The following JAM3 variants were observed in gnomAD, a reference collection of about 807,000 sequenced individuals.
JAM3 encodes the protein junctional adhesion molecule C.
A neutral mutation model predicts 39.4 loss-of-function variants in JAM3; 31 were observed. The observed-to-expected ratio is 0.79, with a 90% CI of 0.59 to 1.06. The LOEUF is 1.06. Ranked by LOEUF, JAM3 falls within the 50% of genes least tolerant of loss-of-function variation. The probability of loss-of-function intolerance (pLI) is 0.00; values close to 1 mark genes in which losing one functional copy is unlikely to be tolerated. For synonymous variants in JAM3, 182 were observed against 148.7 expected (o/e 1.22, Z -1.63); for missense variants, 455 against 391.4 (o/e 1.16, Z -1.37).
At position 134,149,554 on chromosome 11, in the gene JAM3, G is replaced by C; in HGVS notation, c.*373G>C. Reference sequence around the variant, plus strand: ...CATGTTCACCACTGGTCGTTCAGCAGCCACGACAGCACCATGTGAGATGGC... The same window carrying C: ...CATGTTCACCACTGGTCGTTCAGCACCCACGACAGCACCATGTGAGATGGC... On this transcript the variant is annotated 3_prime_UTR_variant, in exon 9 of 9. Transcript: ENST00000299106. 1 of 486,146 alleles carries C rather than the reference G, an allele frequency of 2.1e-6. No individual in the cohort carries two copies. The allele number at this position is 486,146 out of a possible 1,614,324, so 30.1% of individuals were successfully genotyped here.
intron 1 of JAM3, among the ~76,000 whole-genome samples, chr11:134,129,240 C>T (rs975717932): frequency 2.6e-5 from 4 of 151,952 alleles, no homozygotes; most frequent in African/African-American, 9.7e-5. Context: ...CCTCAGCCTC[C>T]CAAGTAGATG....
chr11:134,145,615 C>T (rs756561186), intron 5 of JAM3, among the ~76,000 whole-genome samples: 1 of 152,138 alleles, frequency 6.6e-6, no homozygotes, highest in Non-Finnish European at 1.5e-5. Context: ...AGTCATCAGA[C>T]AGATTTTAAC....
intron 1 of JAM3, among the ~76,000 whole-genome samples, chr11:134,084,535 G>A (rs1941716814): frequency 6.6e-6 from 1 of 152,198 alleles, no homozygotes; most frequent in African/African-American, 2.4e-5. Context: ...CATGTGAAGT[G>A]CTTAGCAGAG....
chr11:134,101,782 T>TGATA (rs1403494914), intron 1 of JAM3, among the ~76,000 whole-genome samples: 2 of 152,190 alleles, frequency 1.3e-5, no homozygotes, highest in Non-Finnish European at 2.9e-5. Context: ...CCTTTATGTG[T>TGATA]GATAACTCAT....
chr11:134,090,730 A>G (rs1052396033), intron 1 of JAM3, among the ~76,000 whole-genome samples: 2 of 152,184 alleles, frequency 1.3e-5, no homozygotes, highest in Non-Finnish European at 2.9e-5. Context: ...CTATCTTTTG[A>G]AAACTCCAAA....
rs778582774 is a variant in JAM3, at chr11:134,148,527, C to T, written c.713-20C>T. The T allele has an allele frequency of 1.2e-6, 2 of 1,614,136 alleles. No homozygotes were observed. Among genetic ancestry groups the T allele is most frequent in the Non-Finnish European group, 1.7e-6 (2 of 1,180,030 alleles). On this transcript the variant is annotated intron_variant, in intron 6 of 8. Coordinates refer to ENST00000299106, the MANE Select transcript of JAM3 (RefSeq NM_032801.5). ...CAGATAGTGTGTATCATGGCTTCCA[C>T]CAAACCTCCTTTTCTTCAGATGACC... is the stretch of plus-strand genomic sequence containing the variant.
intron 3 of JAM3, among the ~76,000 whole-genome samples, chr11:134,141,010 G>T (rs1000025869): frequency 6.6e-6 from 1 of 152,066 alleles, no homozygotes. Flanking sequence ...CATTAGCTAG[G>T]ATCTTAATCT....
intron 1 of JAM3, among the ~76,000 whole-genome samples, chr11:134,085,138 G>A (rs1436178822): frequency 2.0e-5 from 3 of 152,166 alleles, no homozygotes; most frequent in Admixed American, 6.6e-5. Context: ...ATGGCAGTGT[G>A]GATGTGGTTG....
intron 1 of JAM3, among the ~76,000 whole-genome samples, chr11:134,110,406 A>C (rs1324458745): frequency 1.3e-5 from 2 of 152,272 alleles, no homozygotes; most frequent in East Asian, 1.9e-4. Flanking sequence ...AATGCCCATC[A>C]ATAGTAAATA....
intron 1 of JAM3, among the ~76,000 whole-genome samples, chr11:134,120,939 C>G (rs751410155): frequency 5.9e-4 from 90 of 152,190 alleles, no homozygotes; most frequent in Non-Finnish European, 1.5e-4. Flanking sequence ...TAGCCAGTAA[C>G]TCTTCAGAAT....
chr11:134,085,228 G>T (rs1351655978), intron 1 of JAM3, among the ~76,000 whole-genome samples: 7 of 152,160 alleles, frequency 4.6e-5, no homozygotes, highest in Non-Finnish European at 1.0e-4. Context: ...AATGCCCCCA[G>T]ATTTAACAGT....
intron 1 of JAM3, among the ~76,000 whole-genome samples, chr11:134,107,668 G>A (rs942904616): frequency 2.0e-5 from 3 of 151,986 alleles, no homozygotes; most frequent in East Asian, 1.9e-4. Context: ...TAGAAAAAGA[G>A]CCTGGGCAAC....
intron 1 of JAM3, among the ~76,000 whole-genome samples, chr11:134,098,213 C>G (rs1003817090): frequency 6.6e-6 from 1 of 152,124 alleles, no homozygotes; most frequent in African/African-American, 2.4e-5. Context: ...ATATAGCTCA[C>G]CTATATCCAG....
chr11:134,087,335 AT>A (rs1020035868), intron 1 of JAM3, among the ~76,000 whole-genome samples: 3 of 152,188 alleles, frequency 2.0e-5, no homozygotes, highest in Non-Finnish European at 4.4e-5. Context: ...GAGAGTATAT[AT>A]TTTTCAAGAA....
At chr11:134,121,996 T>C (rs1298799593) in intron 1 of JAM3, among the ~76,000 whole-genome samples, 3 of 152,254 alleles carry the variant, frequency 2.0e-5, no homozygotes, top group Admixed American at 2.0e-4. Context: ...GAATCTGTTG[T>C]TGTGTTTTGA....
chr11:134,108,306 C>T (rs564772924), intron 1 of JAM3, among the ~76,000 whole-genome samples: 80 of 151,834 alleles, frequency 5.3e-4, no homozygotes, highest in African/African-American at 1.9e-3. Context: ...AAAAAAACTG[C>T]CCACAAAGAA....
chr11:134,090,105 T>C (rs1941817815), intron 1 of JAM3, among the ~76,000 whole-genome samples: 1 of 152,274 alleles, frequency 6.6e-6, no homozygotes, highest in Admixed American at 6.5e-5. Context: ...CATAAATGTC[T>C]TCTTTTGAGA....
rs146523068 is a variant in JAM3, at chr11:134,116,125, T to G, written c.77-23726T>G. The stretch of plus-strand genomic sequence containing the variant: ...AGCCCACACTCAAGGAGATGGAAAT[T>G]AAGCTTCACTTCCTGGAGGGAGGAG... On this transcript the variant is annotated intron_variant, in intron 1 of 8. Coordinates refer to ENST00000299106, the MANE Select transcript of JAM3 (RefSeq NM_032801.5). 6.3e-3 allele frequency among the ~76,000 whole-genome samples: 955 copies of G among 152,310 alleles called. 10 individuals carry two copies. Among genetic ancestry groups the G allele is most frequent in the African/African-American group, 0.02 (849 of 41,568 alleles).
intron 1 of JAM3, among the ~76,000 whole-genome samples, chr11:134,117,932 G>A (rs1942468148): frequency 6.6e-6 from 1 of 152,292 alleles, no homozygotes; most frequent in Middle Eastern, 3.4e-3. Context: ...AATGCAGAAT[G>A]TCTGCAGTTG....
Sources: allele counts gnomAD v4.1 joint callset (sites outside exome capture counted in the v4.1 genomes callset), GRCh38; gene constraint gnomAD v4.1.1; transcripts MANE v1.5; gene names NCBI Gene and HGNC (gene_info 2026-07-23, HGNC 2026-07-21).